Variants in NRXN2 observed in about 807,000 individuals in gnomAD.
NRXN2 encodes the protein neurexin-2-beta.
In NRXN2, 29 loss-of-function variants were observed where a neutral mutation model predicts 128.8. That is an observed-to-expected ratio of 0.23 (90% CI 0.17 to 0.31). The LOEUF (loss-of-function observed/expected upper bound fraction) is 0.31. Among genes scored for constraint, NRXN2 ranks in the 10% least tolerant of loss-of-function variants. The pLI, the probability that NRXN2 is intolerant of heterozygous loss-of-function variation, is 1.00. For missense variants in NRXN2, 1,881 were observed against 2,452.6 expected, an observed-to-expected ratio of 0.77 and a Z score of 4.92; for synonymous variants, 1,098 against 1,075.2, an observed-to-expected ratio of 1.02 and a Z score of -0.41.
chr11:64,712,607 A>AC, intron 2 of NRXN2: 1 of 427,402 alleles, frequency 2.3e-6, no homozygotes, highest in Admixed American at 2.7e-5. Context: ...GTCCACGCAG[A>AC]CCCCCACCCA....
intron 9 of NRXN2, among the ~76,000 whole-genome samples, chr11:64,664,037 A>G (rs2049423242): frequency 6.6e-6 from 1 of 152,244 alleles, no homozygotes. Context: ...AAGGGCTAAG[A>G]GGAGAGGGAA....
In NRXN2 at chr11:64,630,587, G is replaced by GGT. The variant is rs745845796; in HGVS notation, c.3586-16_3586-15dup. On this transcript the variant is annotated splice_polypyrimidine_tract_variant and intron_variant, in intron 18 of 22. Coordinates refer to ENST00000265459, the MANE Select transcript of NRXN2 (RefSeq NM_015080.4). The surrounding 1 kb of genome is among the most constrained non-coding windows in gnomAD (Gnocchi z 4.6). ...GGTGCCCTGGTCCTGGGGACATGGA[G>GGT]GTGGAGGTCAGCGACCAGAGGGAGC... 80 of 1,613,664 alleles carry GGT rather than the reference G, an allele frequency of 5.0e-5. No homozygotes were observed. In the South Asian group the frequency reaches 8.8e-4, roughly 18 times the overall value.
At position 64,660,709 on chromosome 11, in the gene NRXN2, C is replaced by T. The variant is rs950774984; in HGVS notation, c.2185+44G>A. ...GGAGTCACCCTGAGAAGGAGGAGCACAGGGATAGGGAGCAGGGACACCTAG... is the reference window on the plus strand; with the variant it reads ...GGAGTCACCCTGAGAAGGAGGAGCATAGGGATAGGGAGCAGGGACACCTAG... On this transcript the variant is annotated intron_variant, in intron 10 of 22. Transcript: ENST00000265459. The surrounding 1 kb of genome is among the most constrained non-coding windows in gnomAD (Gnocchi z 5.2). The T allele has an allele frequency of 1.1e-5, 18 of 1,605,084 alleles. No homozygotes were observed. The highest frequency in any genetic ancestry group is 1.4e-5 in the Non-Finnish European group (16 of 1,179,904).
At position 64,685,914 on chromosome 11, in the gene NRXN2, T is replaced by C. The variant is rs1372899715; in HGVS notation, c.884A>G (p.Asn295Ser). ...KEEFVATFKG[N>S]EFFCYDLSHN... ...TGACAGGTCGTAGCAGAAGAACTCA[T>C]TGCCTTTGAAGGTCGCCACAAACTC... The change falls in exon 6 of 23, where the codon AAT becomes AGT. Residue 295 changes from asparagine (N) to serine (S), a missense_variant. Asn to Ser is a conservative substitution (Grantham distance 46). Around this residue, in one of 7 missense-constraint regions of NRXN2, gnomAD observed 997 missense variants for 1,240.8 expected, o/e 0.80. Transcript: ENST00000265459. 4 of 1,614,164 alleles carry C rather than the reference T, an allele frequency of 2.5e-6. No individual in the cohort carries two copies. Among genetic ancestry groups the C allele is most frequent in the East Asian group, 2.2e-5 (1 of 44,876 alleles).
chr11:64,658,465 G>A (rs2048567911), intron 11 of NRXN2, among the ~76,000 whole-genome samples: 1 of 152,188 alleles, frequency 6.6e-6, no homozygotes, highest in African/African-American at 2.4e-5. Flanking sequence ...CGCTCTACAG[G>A]CTGTGATCGT....
In NRXN2 at chr11:64,667,130, C is replaced by A. The variant is rs896088172; in HGVS notation, c.1798+120G>T. 11 of 1,010,094 alleles carry A rather than the reference C, an allele frequency of 1.1e-5. No individual in the cohort carries two copies. The highest frequency in any genetic ancestry group is 1.6e-5 in the African/African-American group (1 of 62,924). The allele number at this position is 1,010,094 out of a possible 1,614,324, so 62.6% of individuals were successfully genotyped here. On this transcript the variant is annotated intron_variant, in intron 9 of 22. Coordinates refer to ENST00000265459, the MANE Select transcript of NRXN2 (RefSeq NM_015080.4). This position sits in a 1 kb window ranked among gnomAD's most constrained non-coding sequence, Gnocchi z 5.6. ...AGACGTGAGGGGGGTGGAGGAGAAG[C>A]GGCAGGGAAGAATATAGGAAATGGT...
At chr11:64,654,588 C>A (rs1011608758) in intron 11 of NRXN2, among the ~76,000 whole-genome samples, 3 of 152,162 alleles carry the variant, frequency 2.0e-5, no homozygotes, top group African/African-American at 7.2e-5. Context: ...CGTGTGGCTA[C>A]ACAGAGCCAG....
chr11:64,627,266 G>T (rs1213093375), intron 19 of NRXN2, among the ~76,000 whole-genome samples: 2 of 151,976 alleles, frequency 1.3e-5, no homozygotes, highest in Non-Finnish European at 2.9e-5. Flanking sequence ...CCCTGGTCAG[G>T]GCTCTCTTTC....
intron 3 of NRXN2, among the ~76,000 whole-genome samples, chr11:64,694,807 A>T (rs1232115584): frequency 1.3e-5 from 2 of 152,142 alleles, no homozygotes; most frequent in Non-Finnish European, 2.9e-5. Context: ...GGTCAGAAGC[A>T]GCCTTGCTCT....
chr11:64,712,913 C>T (rs1592305567), intron 2 of NRXN2, 57 bp downstream of exon 2: 2 of 1,430,148 alleles, frequency 1.4e-6, no homozygotes, highest in Non-Finnish European at 1.9e-6. Context: ...CCCCACGAAG[C>T]GCCCCAGGCC....
chr11:64,647,797 G>C (rs1233946348), intron 17 of NRXN2, among the ~76,000 whole-genome samples: 2 of 152,192 alleles, frequency 1.3e-5, no homozygotes, highest in African/African-American at 4.8e-5. Flanking sequence ...CACCAAAGGG[G>C]GTGCAGATTG....
chr11:64,644,144 GCA>G (rs754963747), intron 17 of NRXN2, among the ~76,000 whole-genome samples: 2 of 152,066 alleles, frequency 1.3e-5, no homozygotes, highest in Non-Finnish European at 2.9e-5. Flanking sequence ...ATACATCCGT[GCA>G]CACACACGTT....
chr11:64,641,793 A>C (rs1437951263), intron 17 of NRXN2, among the ~76,000 whole-genome samples: 1 of 152,022 alleles, frequency 6.6e-6, no homozygotes, highest in African/African-American at 2.4e-5. Context: ...GGAAACGGGA[A>C]GTGCTGGACC....
chr11:64,629,026 T>C (rs1409314038), intron 19 of NRXN2, among the ~76,000 whole-genome samples: 1 of 152,198 alleles, frequency 6.6e-6, no homozygotes, highest in Non-Finnish European at 1.5e-5. Flanking sequence ...CCAGGGACTT[T>C]CCAGAAATGT....
intron 2 of NRXN2, among the ~76,000 whole-genome samples, chr11:64,704,711 A>G (rs1284812345): frequency 6.6e-6 from 1 of 151,066 alleles, no homozygotes; most frequent in Non-Finnish European, 1.5e-5. Flanking sequence ...ACGGGTGGAG[A>G]CAGAAAAACT....
chr11:64,680,964 G>A (rs1264466990), intron 6 of NRXN2, among the ~76,000 whole-genome samples: 3 of 151,976 alleles, frequency 2.0e-5, no homozygotes, highest in African/African-American at 2.4e-5. Context: ...GGGCATGGTG[G>A]CAGGAACCTG....
At chr11:64,643,130 G>A (rs1383710114) in intron 17 of NRXN2, 1 of 982,520 alleles carries the variant, frequency 1.0e-6, no homozygotes, top group Non-Finnish European at 1.2e-6. Context: ...GAGGGGGCAT[G>A]GTGCCGAGTG....
intron 2 of NRXN2, among the ~76,000 whole-genome samples, chr11:64,708,940 C>T (rs1361032499): frequency 1.3e-5 from 2 of 152,038 alleles, no homozygotes; most frequent in African/African-American, 4.8e-5. Flanking sequence ...ACCTGTAATC[C>T]CAGCACTTTG....
At chr11:64,707,448 G>A (rs548569575) in intron 2 of NRXN2, among the ~76,000 whole-genome samples, 1 of 152,100 alleles carries the variant, frequency 6.6e-6, no homozygotes, top group African/African-American at 2.4e-5. Context: ...ATGGGCCTAG[G>A]GAGTAGAGAA....
Sources: gnomAD v4.1 joint callset for allele counts (sites outside exome capture counted in the v4.1 genomes callset) on GRCh38, gnomAD v4.1.1 for gene constraint, gnomAD v4.1.1 regional missense constraint, Gnocchi (gnomAD v3.1) non-coding constraint, MANE v1.5 for transcripts, NCBI Gene and HGNC (gene_info 2026-07-23, HGNC 2026-07-21) for gene names.